Variants in SLC24A5 observed in about 807,000 individuals in gnomAD.
SLC24A5 encodes sodium/potassium/calcium exchanger 5.
A neutral mutation model predicts 51.6 loss-of-function variants in SLC24A5; 46 were observed. The observed-to-expected ratio is 0.89, with a 90% CI of 0.70 to 1.14. SLC24A5 has a LOEUF of 1.14. Ranked by LOEUF, SLC24A5 falls within the 50% of genes most tolerant of loss-of-function variation. The pLI, the probability that SLC24A5 is intolerant of heterozygous loss-of-function variation, is 0.00. For missense variants in SLC24A5, 581 were observed against 604.1 expected, an observed-to-expected ratio of 0.96 and a Z score of 0.40; for synonymous variants, 230 against 214.9, an observed-to-expected ratio of 1.07 and a Z score of -0.62.
At chr15:48,125,021 A>T (rs1271929491) in intron 2 of SLC24A5, among the ~76,000 whole-genome samples, 9 of 152,292 alleles carry the variant, frequency 5.9e-5, no homozygotes, top group African/African-American at 1.7e-4. Flanking sequence ...GCAATAAAAA[A>T]CAATTTTCCT....
intron 2 of SLC24A5, among the ~76,000 whole-genome samples, chr15:48,126,511 G>A (rs748718972): frequency 2.0e-5 from 3 of 152,212 alleles, no homozygotes; most frequent in Admixed American, 1.3e-4. Flanking sequence ...TCTGGGCTGG[G>A]AAACAGAATG....
chr15:48,121,820 CA>C, intron 1 of SLC24A5, 36 bp from the exon 2 acceptor site: 1 of 1,607,606 alleles, frequency 6.2e-7, no homozygotes. Context: ...TGTGTGACTC[CA>C]AACTCTTCAA....
In SLC24A5 at chr15:48,136,809, G is replaced by A; in HGVS notation, c.717G>A (p.Met239Ile). Residue 239 changes from methionine (M) to isoleucine (I), a missense_variant, in exon 6 of 9, where the codon ATG becomes ATA. Met to Ile is a conservative substitution (Grantham distance 10). Coordinates refer to ENST00000341459, the MANE Select transcript of SLC24A5 (RefSeq NM_205850.3). ...GCTGCGCCTGTCTTGCCAAAGCTATGGAGAGAAGTGAACAACAGCCACTGA... is the reference window on the plus strand; with the variant it reads ...GCTGCGCCTGTCTTGCCAAAGCTATAGAGAGAAGTGAACAACAGCCACTGA... ...SPCCACLAKA[M>I]ERSEQQPLMG... The A allele has an allele frequency of 6.2e-7, 1 of 1,613,818 alleles. No homozygotes were observed. Among genetic ancestry groups the A allele is most frequent in the Non-Finnish European group, 8.5e-7 (1 of 1,179,838 alleles).
chr15:48,128,130 T>G (rs2038750925), intron 2 of SLC24A5, among the ~76,000 whole-genome samples: 1 of 151,984 alleles, frequency 6.6e-6, no homozygotes, highest in Admixed American at 6.6e-5. Context: ...TGATATGTAA[T>G]GGGGATCTCA....
rs749818790 is a variant in SLC24A5 at position 48,121,068 on chromosome 15, A to G, written c.24A>G (p.Thr8=). 6 of 1,613,894 alleles carry G rather than the reference A, an allele frequency of 3.7e-6. No individual in the cohort carries two copies. Among genetic ancestry groups the G allele is most frequent in the Non-Finnish European group, 5.1e-6 (6 of 1,179,894 alleles). ...AAATGCAGACAAAAGGGGGCCAAAC[A>G]TGGGCGAGAAGGGCTCTGTTGCTCG... The part of the protein sequence containing the change: MQTKGGQ[T]WARRALLLGI... Residue 8 remains threonine, a synonymous_variant, in exon 1 of 9, where the codon ACA becomes ACG. Transcript: ENST00000341459.
intron 7 of SLC24A5, 42 bp downstream of exon 7, chr15:48,139,217 T>A (rs1567229672): frequency 6.6e-7 from 1 of 1,523,816 alleles, no homozygotes; most frequent in Non-Finnish European, 9.0e-7. Context: ...AAAATATTCA[T>A]ATAAGAACAA....
chr15:48,142,552 T>C lies in SLC24A5; in HGVS notation c.*201T>C. ...AAAATTACATATTATAAAACAGAAG[T>C]TTGGGGGGAAAAAATCTATGTTTTA... is the stretch of plus-strand genomic sequence containing the variant. On this transcript the variant is annotated 3_prime_UTR_variant, in exon 9 of 9. Transcript: ENST00000341459. The C allele has an allele frequency of 2.0e-6, 1 of 487,820 alleles. No individual in the cohort carries two copies. The highest frequency in any genetic ancestry group is 3.8e-5 in the Admixed American group (1 of 26,058). 30.2% of individuals were successfully genotyped at this position (487,820 alleles called of 1,614,324 possible). A position where few individuals can be genotyped will look rare whatever the true frequency, so the allele number is the denominator to read the frequency against.
At chr15:48,125,576 G>A (rs1272163058) in intron 2 of SLC24A5, among the ~76,000 whole-genome samples, 1 of 151,946 alleles carries the variant, frequency 6.6e-6, no homozygotes, top group Non-Finnish European at 1.5e-5. Flanking sequence ...TTTTCCTCTC[G>A]AGAGCACTGA....
Position 48,122,054 on chromosome 15 carries a change from T to G in SLC24A5, c.301+18T>G, listed in dbSNP as rs1237599875. 2 of 1,613,668 alleles carry G rather than the reference T, an allele frequency of 1.2e-6. No homozygotes were observed. The highest frequency in any genetic ancestry group is 1.7e-6 in the Non-Finnish European group (2 of 1,179,602). ...CAGTGAATGTAAGTGGCTGGAAAGT[T>G]GCCCTGTAACCTTCTGGGAGAGTGT... On this transcript the variant is annotated intron_variant, in intron 2 of 8. Coordinates refer to ENST00000341459, the MANE Select transcript of SLC24A5 (RefSeq NM_205850.3).
intron 2 of SLC24A5, among the ~76,000 whole-genome samples, chr15:48,129,141 A>G (rs2038762948): frequency 1.3e-5 from 2 of 152,282 alleles, no homozygotes; most frequent in South Asian, 4.1e-4. Context: ...CGGTGGAATC[A>G]GCCTTTAAAA....
rs2038971675 is a variant in SLC24A5, at chr15:48,138,955, T to C, written c.872-14T>C. The C allele has an allele frequency of 6.3e-7, 1 of 1,595,108 alleles. No individual in the cohort carries two copies. The highest frequency in any genetic ancestry group is 1.4e-5 in the African/African-American group (1 of 73,836). ...TTTGAGAAAACTCAAAAGTGTTTACTTTTTCCACAACAGATCCACCAAGTG... is the reference window on the plus strand; with the variant it reads ...TTTGAGAAAACTCAAAAGTGTTTACCTTTTCCACAACAGATCCACCAAGTG... On this transcript the variant is annotated splice_polypyrimidine_tract_variant and intron_variant, in intron 6 of 8. Transcript: ENST00000341459.
intron 5 of SLC24A5, chr15:48,135,683 T>G (rs2038878172): frequency 6.6e-6 from 1 of 150,594 alleles, no homozygotes; most frequent in African/African-American, 2.5e-5. Flanking sequence ...ATACATTGCA[T>G]AACTCCAGAG....
chr15:48,141,607 A>AC (rs2039090256), intron 8 of SLC24A5: 1 of 162,558 alleles, frequency 6.2e-6, no homozygotes, highest in African/African-American at 2.4e-5. Context: ...AAAAAAAAAA[A>AC]AAGTTTACTT....
chr15:48,139,355 A>G (rs1203446593), intron 7 of SLC24A5, 180 bp downstream of exon 7: 8 of 529,416 alleles, frequency 1.5e-5, no homozygotes, highest in South Asian at 2.8e-5. Context: ...TGTGAGTTGC[A>G]TATTATATAT....
intron 2 of SLC24A5, among the ~76,000 whole-genome samples, chr15:48,133,255 T>G (rs1026611940): frequency 6.6e-6 from 1 of 152,160 alleles, no homozygotes; most frequent in Non-Finnish European, 1.5e-5. Flanking sequence ...CGATACTAAC[T>G]TTGTGACCTA....
At chr15:48,127,809 C>A (rs765471880) in intron 2 of SLC24A5, among the ~76,000 whole-genome samples, 6 of 151,990 alleles carry the variant, frequency 3.9e-5, no homozygotes, top group African/African-American at 1.4e-4. Flanking sequence ...GGCAACAGAG[C>A]AAGACTCCAT....
chr15:48,137,087 TA>T lies in SLC24A5; in HGVS notation c.871+127del, dbSNP rs1339784780. On this transcript the variant is annotated intron_variant, in intron 6 of 8. Coordinates refer to ENST00000341459, the MANE Select transcript of SLC24A5 (RefSeq NM_205850.3). ...AAAGACTGTGAAGACTCAGAAATGA[TA>T]AAGACCAAGTCCCTACCTTTAAGGA... 4.7e-6 allele frequency: 5 copies of T among 1,056,222 alleles called. 1 individual carries two copies. In the African/African-American group the frequency reaches 8.0e-5, roughly 17 times the overall value. 65.4% of individuals were successfully genotyped at this position (1,056,222 alleles called of 1,614,324 possible). A position where few individuals can be genotyped will look rare whatever the true frequency, so the allele number is the denominator to read the frequency against.
intron 2 of SLC24A5, among the ~76,000 whole-genome samples, chr15:48,131,425 G>C (rs950142624): frequency 6.6e-6 from 1 of 152,064 alleles, no homozygotes; most frequent in African/African-American, 2.4e-5. Context: ...AATGGGAGGT[G>C]TTTAGATCCT....
intron 6 of SLC24A5, 67 bp from the exon 7 acceptor site, chr15:48,138,901 TA>T: frequency 8.5e-7 from 1 of 1,181,404 alleles, no homozygotes; most frequent in Non-Finnish European, 1.2e-6. Flanking sequence ...TATAACTTTC[TA>T]AATAGGCATT....
Sources: allele counts gnomAD v4.1 joint callset (sites outside exome capture counted in the v4.1 genomes callset), GRCh38; gene constraint gnomAD v4.1.1; transcripts MANE v1.5; gene names NCBI Gene and HGNC (gene_info 2026-07-23, HGNC 2026-07-21).